EPHB1: variants seen among roughly 807,000 people sequenced by gnomAD.
EPHB1 encodes ephrin type-B receptor 1.
A neutral mutation model predicts 94.4 loss-of-function variants in EPHB1; 30 were observed. That is an observed-to-expected ratio of 0.32 (90% CI 0.24 to 0.43). The LOEUF (loss-of-function observed/expected upper bound fraction) is 0.43, where lower values mean the gene tolerates loss of function less well. Ranked by LOEUF, EPHB1 falls within the 20% of genes least tolerant of loss-of-function variation. The probability of loss-of-function intolerance (pLI) is 1.00; values close to 1 mark genes in which losing one functional copy is unlikely to be tolerated. For missense variants in EPHB1, 1,055 were observed against 1,308.3 expected (o/e 0.81, Z 2.99); for synonymous variants, 522 against 489.1 (o/e 1.07, Z -0.89).
chr3:135,076,054 T>C (rs899190240), intron 3 of EPHB1, among the ~76,000 whole-genome samples: 2 of 152,002 alleles, frequency 1.3e-5, no homozygotes, highest in Admixed American at 1.3e-4. Flanking sequence ...CATATACAAA[T>C]ATTAACTCCA....
At chr3:135,109,822 G>A (rs2107800525) in intron 4 of EPHB1, among the ~76,000 whole-genome samples, 1 of 152,352 alleles carries the variant, frequency 6.6e-6, no homozygotes, top group South Asian at 2.1e-4. Flanking sequence ...CTGGGCAGGA[G>A]CAATGGCTCA....
At chr3:134,810,994 C>G (rs1324253100) in intron 1 of EPHB1, among the ~76,000 whole-genome samples, 5 of 152,098 alleles carry the variant, frequency 3.3e-5, no homozygotes, top group African/African-American at 1.2e-4. Flanking sequence ...GAAGGGGAGT[C>G]CCATAAAGGA....
At chr3:135,222,966 C>T (rs1040392100) in intron 12 of EPHB1, among the ~76,000 whole-genome samples, 12 of 152,118 alleles carry the variant, frequency 7.9e-5, no homozygotes, top group Non-Finnish European at 1.3e-4. Flanking sequence ...TGTGCAATTT[C>T]GCAGAGTATG....
At chr3:135,115,635 T>A (rs1939664196) in intron 4 of EPHB1, among the ~76,000 whole-genome samples, 1 of 152,104 alleles carries the variant, frequency 6.6e-6, no homozygotes, top group Non-Finnish European at 1.5e-5. Flanking sequence ...TGCAGTCAAG[T>A]GGTAAGAGCC....
intron 4 of EPHB1, among the ~76,000 whole-genome samples, chr3:135,120,826 C>T (rs762632053): frequency 2.6e-5 from 4 of 152,112 alleles, no homozygotes; most frequent in Admixed American, 6.5e-5. Context: ...TCTGCGGTCT[C>T]TAGAAAAAGA....
chr3:135,076,261 A>ATATG (rs1553729687), intron 3 of EPHB1, among the ~76,000 whole-genome samples: 1 of 112,560 alleles, frequency 8.9e-6, no homozygotes, highest in Non-Finnish European at 1.9e-5. Context: ...ATATATATAT[A>ATATG]ACTCTTAAAT....
chr3:135,099,643 T>C (rs1038754714), intron 3 of EPHB1, among the ~76,000 whole-genome samples: 5 of 152,130 alleles, frequency 3.3e-5, no homozygotes, highest in Admixed American at 2.6e-4. Context: ...CCACCAGTAA[T>C]GTGAAAGTAA....
chr3:134,852,432 C>T (rs1019020223), intron 1 of EPHB1: 1 of 152,150 alleles, frequency 6.6e-6, no homozygotes, highest in Non-Finnish European at 1.5e-5. Context: ...TCCTCTGCCC[C>T]ATATCGCCTT....
chr3:134,904,694 G>A (rs931632985), intron 1 of EPHB1, among the ~76,000 whole-genome samples: 2 of 152,208 alleles, frequency 1.3e-5, no homozygotes, highest in Non-Finnish European at 2.9e-5. Flanking sequence ...TGGAGATCAC[G>A]AGTATGGGAT....
chr3:134,967,100 A>G (rs960161608), intron 3 of EPHB1, among the ~76,000 whole-genome samples: 1 of 152,204 alleles, frequency 6.6e-6, no homozygotes, highest in Non-Finnish European at 1.5e-5. Context: ...CACATGGTGA[A>G]AAGACTCCTC....
At chr3:135,169,832 G>A (rs897578072) in intron 9 of EPHB1, among the ~76,000 whole-genome samples, 8 of 152,260 alleles carry the variant, frequency 5.3e-5, no homozygotes, top group South Asian at 2.1e-4. Flanking sequence ...AGCAGAGGCA[G>A]ACTACACACC....
chr3:134,795,752 C>A, intron 1 of EPHB1, 63 bp downstream of exon 1: 1 of 1,555,358 alleles, frequency 6.4e-7, no homozygotes, highest in South Asian at 1.1e-5. Context: ...CTGCTGTGCT[C>A]CGCGGTTCGC....
chr3:135,046,654 C>A (rs946331452), intron 3 of EPHB1, among the ~76,000 whole-genome samples: 4 of 152,150 alleles, frequency 2.6e-5, no homozygotes, highest in Admixed American at 2.0e-4. Flanking sequence ...CAGTCCCAGG[C>A]GAGACTAATT....
At chr3:135,219,383 C>G (rs912451565) in intron 12 of EPHB1, among the ~76,000 whole-genome samples, 4 of 151,792 alleles carry the variant, frequency 2.6e-5, no homozygotes, top group African/African-American at 9.7e-5. Flanking sequence ...AAGTCTAAGT[C>G]CAATCACTGG....
intron 2 of EPHB1, among the ~76,000 whole-genome samples, chr3:134,932,634 ACT>A (rs575998588): frequency 8.2e-4 from 125 of 152,228 alleles, no homozygotes; most frequent in Admixed American, 1.9e-3. Context: ...AAGGATAATA[ACT>A]CTGTCATATA....
At chr3:134,886,765 GT>G (rs564173077) in intron 1 of EPHB1, among the ~76,000 whole-genome samples, 42 of 149,514 alleles carry the variant, frequency 2.8e-4, no homozygotes, top group African/African-American at 6.4e-4. Context: ...TAATTATCCT[GT>G]TTTTTTTTTA....
chr3:135,183,043 T>C (rs1471522441), intron 10 of EPHB1, among the ~76,000 whole-genome samples: 5 of 94,828 alleles, frequency 5.3e-5, no homozygotes, highest in Non-Finnish European at 1.0e-4. Context: ...TCTTTCTTTC[T>C]TTCTTTCTTT....
At chr3:134,900,688 G>C (rs2038181386) in intron 1 of EPHB1, among the ~76,000 whole-genome samples, 1 of 152,050 alleles carries the variant, frequency 6.6e-6, no homozygotes, top group South Asian at 2.1e-4. Context: ...GTGTGGCCAT[G>C]GGTGTATGTA....
Position 134,881,702 on chromosome 3 carries a change from GATAA to G in EPHB1, c.59-44107_59-44104del, listed in dbSNP as rs573388554. On this transcript the variant is annotated intron_variant, in intron 1 of 15. Coordinates refer to ENST00000398015, the MANE Select transcript of EPHB1 (RefSeq NM_004441.5). The stretch of plus-strand genomic sequence containing the variant: ...CTTCAGCAGACATCCACTTTAGAGT[GATAA>G]ATAAATGAATAATTGAAAGGGAGGA... Among the ~76,000 whole-genome samples, 336 of 152,332 alleles carry G rather than the reference GATAA, an allele frequency of 2.2e-3. 2 individuals carry two copies. The highest frequency in any genetic ancestry group is 7.6e-3 in the African/African-American group (314 of 41,554).
Sources: gnomAD v4.1 joint callset for allele counts (sites outside exome capture counted in the v4.1 genomes callset) on GRCh38, gnomAD v4.1.1 for gene constraint, MANE v1.5 for transcripts, NCBI Gene and HGNC (gene_info 2026-07-23, HGNC 2026-07-21) for gene names.